Variants in BBX observed in about 807,000 individuals in gnomAD.
BBX encodes the protein BBX high mobility group box domain containing.
In BBX, 30 loss-of-function variants were observed where a neutral mutation model predicts 100.2. The observed-to-expected ratio is 0.30, with a 90% CI of 0.22 to 0.41. BBX has a LOEUF of 0.41. Ranked by LOEUF, BBX falls within the 10% of genes least tolerant of loss-of-function variation. The pLI, the probability that BBX is intolerant of heterozygous loss-of-function variation, is 1.00. For synonymous variants in BBX, 376 were observed against 388.1 expected (o/e 0.97, Z 0.37); for missense variants, 1,023 against 1,129.8 (o/e 0.91, Z 1.35).
chr3:107,725,143 G>C (rs565764995), intron 5 of BBX, among the ~76,000 whole-genome samples: 4 of 151,916 alleles, frequency 2.6e-5, no homozygotes, highest in Admixed American at 6.6e-5. Context: ...AAGTTGGATT[G>C]CTAGGTATTT....
At chr3:107,785,906 C>A (rs2068370266) in intron 13 of BBX, among the ~76,000 whole-genome samples, 1 of 151,954 alleles carries the variant, frequency 6.6e-6, no homozygotes, top group Admixed American at 6.6e-5. Flanking sequence ...TCTCAGATAA[C>A]ATGACCTTGT....
intron 2 of BBX, among the ~76,000 whole-genome samples, chr3:107,644,192 G>T (rs1251894219): frequency 1.1e-5 from 1 of 95,058 alleles, no homozygotes; most frequent in African/African-American, 5.2e-5. Flanking sequence ...TTATCTTTGA[G>T]CTCCTGAAAG....
intron 5 of BBX, among the ~76,000 whole-genome samples, chr3:107,717,206 A>AT (rs1201356239): frequency 6.6e-6 from 1 of 152,010 alleles, no homozygotes; most frequent in East Asian, 1.9e-4. Context: ...GTGAATGGTG[A>AT]TTTTTTTCTT....
rs528150696 is a variant in BBX, at chr3:107,710,485, G to T, written c.25G>T (p.Asp9Tyr). MKGSNRNKDHSAEGEGVGK... is the reference protein window; with the variant it reads MKGSNRNKYHSAEGEGVGK... ...AATGAAAGGCAGTAATAGAAATAAG[G>T]ATCATTCAGCAGAAGGAGAAGGGGT... is the stretch of plus-strand genomic sequence containing the variant. The change falls in exon 4 of 18, where the codon GAT (aspartate) becomes TAT (tyrosine). Residue 9 changes from aspartate to tyrosine, a missense_variant. Transcript: ENST00000325805. 1.9e-6 allele frequency: 3 copies of T among 1,613,228 alleles called. No homozygotes were observed. The highest frequency in any genetic ancestry group is 2.7e-5 in the African/African-American group (2 of 74,808).
intron 2 of BBX, among the ~76,000 whole-genome samples, chr3:107,578,501 AT>A (rs1343630627): frequency 6.6e-6 from 1 of 152,244 alleles, no homozygotes; most frequent in Non-Finnish European, 1.5e-5. Context: ...TGTATGAAAA[AT>A]ATCACATACT....
At chr3:107,686,728 A>G (rs924399667) in intron 3 of BBX, among the ~76,000 whole-genome samples, 7 of 152,098 alleles carry the variant, frequency 4.6e-5, no homozygotes, top group African/African-American at 1.7e-4. Flanking sequence ...GAGGCCCACA[A>G]TTTAAAGGCC....
chr3:107,630,171 A>G (rs899844931), intron 2 of BBX, among the ~76,000 whole-genome samples: 1 of 152,144 alleles, frequency 6.6e-6, no homozygotes, highest in Non-Finnish European at 1.5e-5. Flanking sequence ...CCTGAGACCA[A>G]TGTTCAGGAT....
At chr3:107,783,169 C>T (rs930824891) in intron 13 of BBX, among the ~76,000 whole-genome samples, 7 of 152,090 alleles carry the variant, frequency 4.6e-5, no homozygotes, top group Non-Finnish European at 1.0e-4. Context: ...TCAAATTTTT[C>T]ACTTCTTGAC....
intron 16 of BBX, 121 bp downstream of exon 16, chr3:107,798,841 A>G: frequency 9.1e-7 from 1 of 1,096,470 alleles, no homozygotes; most frequent in East Asian, 2.6e-5. Flanking sequence ...GAGCTAAAAA[A>G]AAAAAAAAAC....
intron 3 of BBX, among the ~76,000 whole-genome samples, chr3:107,647,566 G>T (rs988681518): frequency 6.6e-6 from 1 of 152,158 alleles, no homozygotes; most frequent in Non-Finnish European, 1.5e-5. Context: ...CTATATGCTT[G>T]TCTTAAATGC....
At chr3:107,695,896 T>C (rs2060560405) in intron 3 of BBX, among the ~76,000 whole-genome samples, 1 of 151,886 alleles carries the variant, frequency 6.6e-6, no homozygotes, top group Admixed American at 6.5e-5. Flanking sequence ...TGGGTGCATA[T>C]ATATTTAGGA....
intron 2 of BBX, among the ~76,000 whole-genome samples, chr3:107,529,930 A>G (rs1050727801): frequency 6.6e-6 from 1 of 152,178 alleles, no homozygotes; most frequent in African/African-American, 2.4e-5. Flanking sequence ...ATCTAAAAGT[A>G]TATATAAATA....
intron 2 of BBX, among the ~76,000 whole-genome samples, chr3:107,586,853 C>T (rs1009105537): frequency 6.6e-6 from 1 of 151,892 alleles, no homozygotes; most frequent in Non-Finnish European, 1.5e-5. Context: ...GAGGTTCAAG[C>T]GATTCTCCTG....
At chr3:107,596,848 T>G (rs2053697830) in intron 2 of BBX, among the ~76,000 whole-genome samples, 1 of 152,214 alleles carries the variant, frequency 6.6e-6, no homozygotes, top group Non-Finnish European at 1.5e-5. Flanking sequence ...TTGATCAAAG[T>G]GGCTCATTTC....
At chr3:107,697,490 C>T (rs1344800983) in intron 3 of BBX, among the ~76,000 whole-genome samples, 3 of 151,790 alleles carry the variant, frequency 2.0e-5, no homozygotes, top group Non-Finnish European at 4.4e-5. Context: ...GCTGGGGGTG[C>T]CTCCCAGTTA....
intron 3 of BBX, among the ~76,000 whole-genome samples, chr3:107,690,044 G>A (rs1298472076): frequency 6.6e-6 from 1 of 152,124 alleles, no homozygotes; most frequent in South Asian, 2.1e-4. Flanking sequence ...AGCAAATAAG[G>A]TAGCCTAGGG....
chr3:107,525,609 G>A (rs2107274871), intron 1 of BBX: 1 of 152,316 alleles, frequency 6.6e-6, no homozygotes, highest in Middle Eastern at 3.4e-3. Context: ...TCGACATTTT[G>A]TACTAAGATG....
intron 2 of BBX, among the ~76,000 whole-genome samples, chr3:107,644,981 T>C (rs1164291896): frequency 1.3e-5 from 2 of 152,140 alleles, no homozygotes; most frequent in Non-Finnish European, 2.9e-5. Context: ...TGATATTATA[T>C]TGATAGAGCC....
At chr3:107,548,951 A>G (rs2049449145) in intron 2 of BBX, among the ~76,000 whole-genome samples, 1 of 152,118 alleles carries the variant, frequency 6.6e-6, no homozygotes. Flanking sequence ...AATACACCAT[A>G]GACATAAAGA....
Sources: gnomAD v4.1 joint callset for allele counts (sites outside exome capture counted in the v4.1 genomes callset) on GRCh38, gnomAD v4.1.1 for gene constraint, MANE v1.5 for transcripts, NCBI Gene and HGNC (gene_info 2026-07-23, HGNC 2026-07-21) for gene names.